Variants in PREX1 observed in about 807,000 individuals in gnomAD.
PREX1 encodes phosphatidylinositol 3,4,5-trisphosphate-dependent Rac exchanger 1 protein.
PREX1 carries 41 observed loss-of-function variants against 198.3 expected under a neutral mutation model. That is an observed-to-expected ratio of 0.21 (90% CI 0.16 to 0.27). The LOEUF (loss-of-function observed/expected upper bound fraction) is 0.27, where lower values mean the gene tolerates loss of function less well. PREX1 is among the 10% of genes least tolerant of loss of function. The pLI is 1.00. For synonymous variants in PREX1, 843 were observed against 887.2 expected, an observed-to-expected ratio of 0.95 and a Z score of 0.89; for missense variants, 1,620 against 2,200.7, an observed-to-expected ratio of 0.74 and a Z score of 5.28.
intron 3 of PREX1, among the ~76,000 whole-genome samples, chr20:48,737,425 G>A (rs904505591): frequency 3.3e-5 from 5 of 152,052 alleles, no homozygotes; most frequent in Non-Finnish European, 7.4e-5. Flanking sequence ...TCGGGACGGC[G>A]TTTTCATCTG....
chr20:48,802,447 C>T (rs1000709243), intron 1 of PREX1, among the ~76,000 whole-genome samples: 1 of 152,236 alleles, frequency 6.6e-6, no homozygotes, highest in Non-Finnish European at 1.5e-5. Context: ...ACAGGCTACT[C>T]TTCCTGCCTT....
intron 10 of PREX1, among the ~76,000 whole-genome samples, chr20:48,682,910 G>A (rs2123024837): frequency 6.6e-6 from 1 of 152,360 alleles, no homozygotes; most frequent in South Asian, 2.1e-4. Flanking sequence ...GGCCAGAGGG[G>A]GGCAGGGCTA....
upstream of PREX1, among the ~76,000 whole-genome samples, chr20:48,832,270 G>GA (rs2090538846): frequency 6.6e-6 from 1 of 152,178 alleles, no homozygotes. Context: ...TTTCACAGTT[G>GA]AGGGGGAGAA....
chr20:48,715,298 T>C (rs2123104096), intron 5 of PREX1, among the ~76,000 whole-genome samples: 1 of 152,274 alleles, frequency 6.6e-6, no homozygotes, highest in South Asian at 2.1e-4. Context: ...TTGAATGAAT[T>C]AATCCATTCT....
intron 7 of PREX1, among the ~76,000 whole-genome samples, chr20:48,700,058 A>C (rs950767434): frequency 6.6e-6 from 1 of 151,988 alleles, no homozygotes; most frequent in African/African-American, 2.4e-5. Flanking sequence ...TTCCCATCAC[A>C]CATGCACCTG....
chr20:48,670,728 AC>A (rs1264731985), intron 14 of PREX1, among the ~76,000 whole-genome samples: 3 of 152,078 alleles, frequency 2.0e-5, no homozygotes, highest in African/African-American at 7.2e-5. Context: ...GGCCTCTGAC[AC>A]CCCTGAGAGG....
At chr20:48,665,149 CG>C (rs1299078594) in intron 15 of PREX1, among the ~76,000 whole-genome samples, 2 of 149,584 alleles carry the variant, frequency 1.3e-5, no homozygotes, top group Admixed American at 1.3e-4. Flanking sequence ...ATTCTAATCC[CG>C]GCCCCAGACG....
At chr20:48,672,252 G>C (rs568817352) in intron 14 of PREX1, among the ~76,000 whole-genome samples, 1 of 152,340 alleles carries the variant, frequency 6.6e-6, no homozygotes. Flanking sequence ...AAAGGCTTTG[G>C]AGTCATTCTC....
chr20:48,833,762 C>G, the PREX1 span, among the ~76,000 whole-genome samples: 5 of 152,088 alleles, frequency 3.3e-5, no homozygotes, highest in African/African-American at 1.2e-4. Flanking sequence ...TTCAAATAAG[C>G]ATTGACCTGA....
the PREX1 span, among the ~76,000 whole-genome samples, chr20:48,841,334 G>T: frequency 6.6e-6 from 1 of 152,180 alleles, no homozygotes; most frequent in East Asian, 1.9e-4. Flanking sequence ...TCAGCTTCTC[G>T]ATTCTGCTGT....
chr20:48,740,451 G>C (rs2090075920), intron 3 of PREX1, among the ~76,000 whole-genome samples: 1 of 152,246 alleles, frequency 6.6e-6, no homozygotes. Context: ...CAACAAGGGT[G>C]CAAAGGCCTT....
chr20:48,684,927 A>G lies in PREX1; in HGVS notation c.1335-3592T>C, dbSNP rs1238514351. On this transcript the variant is annotated intron_variant, in intron 10 of 39. Coordinates refer to ENST00000371941, the MANE Select transcript of PREX1 (RefSeq NM_020820.4). The surrounding 1 kb of genome is among the most constrained non-coding windows in gnomAD (Gnocchi z 4.2). ...GGAATGCTGTTCCCCACACCCTCTC[A>G]TGGCTGGCTCTTGCTTGTCTTTCAG... Among the ~76,000 whole-genome samples, 1 of 152,110 alleles carries G rather than the reference A, an allele frequency of 6.6e-6. No homozygotes were observed. The highest frequency in any genetic ancestry group is 6.5e-5 in the Admixed American group (1 of 15,280).
chr20:48,648,525 C>G (rs1295559959), intron 25 of PREX1, among the ~76,000 whole-genome samples: 1 of 152,184 alleles, frequency 6.6e-6, no homozygotes, highest in Admixed American at 6.5e-5. Flanking sequence ...CTGCTTTACA[C>G]AGACCACACT....
chr20:48,729,659 T>G (rs1344475681), intron 4 of PREX1, among the ~76,000 whole-genome samples: 1 of 152,178 alleles, frequency 6.6e-6, no homozygotes, highest in Non-Finnish European at 1.5e-5. Flanking sequence ...CCAAAGTCAA[T>G]GATCAGGCAA....
chr20:48,747,666 T>A (rs2090115121), intron 2 of PREX1, 143 bp downstream of exon 2: 2 of 877,274 alleles, frequency 2.3e-6, no homozygotes, highest in Non-Finnish European at 3.5e-6. Flanking sequence ...GGGAGCAAGC[T>A]GGGGCAGGGC....
chr20:48,807,435 C>T lies in PREX1; in HGVS notation c.219+20207G>A, dbSNP rs559123526. Among the ~76,000 whole-genome samples, 7 of 152,304 alleles carry T rather than the reference C, an allele frequency of 4.6e-5. 2 individuals are homozygous for T. Among genetic ancestry groups the T allele is most frequent in the Middle Eastern group, 6.8e-3 (2 of 294 alleles). On this transcript the variant is annotated intron_variant, in intron 1 of 39. Coordinates refer to ENST00000371941, the MANE Select transcript of PREX1 (RefSeq NM_020820.4). ...AACCTCATTCTTTCCAACAGCTGTC[C>T]GTTACCCCAACATGTGGATCAACAA...
chr20:48,827,599 G>C lies in PREX1; in HGVS notation c.219+43C>G, dbSNP rs183070960. 9.5e-4 allele frequency: 1,147 copies of C among 1,208,690 alleles called. 9 individuals carry two copies. In the African/African-American group the frequency reaches 0.016, roughly 17 times the overall value. 74.9% of individuals were successfully genotyped at this position (1,208,690 alleles called of 1,614,324 possible). On this transcript the variant is annotated intron_variant, in intron 1 of 39. Transcript: ENST00000371941. This position sits in a 1 kb window ranked among gnomAD's most constrained non-coding sequence, Gnocchi z 4.1. ...TTGTGGGGACCGCAGCGGGGCGAGCGGCTGGAGGGAAAGCTGTCCCCAAGC... is the reference window on the plus strand; with the variant it reads ...TTGTGGGGACCGCAGCGGGGCGAGCCGCTGGAGGGAAAGCTGTCCCCAAGC...
intron 1 of PREX1, among the ~76,000 whole-genome samples, chr20:48,806,868 A>G (rs1568871089): frequency 6.6e-6 from 1 of 152,330 alleles, no homozygotes; most frequent in Non-Finnish European, 1.5e-5. Flanking sequence ...CAGTGCCAGT[A>G]TGGAGGGCTG....
At chr20:48,687,306 C>T (rs2089791016) in intron 10 of PREX1, among the ~76,000 whole-genome samples, 1 of 152,250 alleles carries the variant, frequency 6.6e-6, no homozygotes, top group South Asian at 2.1e-4. Flanking sequence ...CGTGGGCTTC[C>T]CACGGCCCCC....
Sources: allele counts gnomAD v4.1 joint callset (sites outside exome capture counted in the v4.1 genomes callset), GRCh38; gene constraint gnomAD v4.1.1; non-coding constraint Gnocchi (gnomAD v3.1); transcripts MANE v1.5; gene names NCBI Gene and HGNC (gene_info 2026-07-23, HGNC 2026-07-21).